DLG2: variants seen among roughly 807,000 people sequenced by gnomAD.
DLG2 encodes the protein discs large MAGUK scaffold protein 2.
Under a neutral mutation model 132.5 loss-of-function variants are expected in DLG2, and 45 were observed. That is an observed-to-expected ratio of 0.34 (90% CI 0.27 to 0.44). The LOEUF (loss-of-function observed/expected upper bound fraction) is 0.44. DLG2 is among the 20% of genes least tolerant of loss of function. The probability of loss-of-function intolerance (pLI) is 1.00; values close to 1 mark genes in which losing one functional copy is unlikely to be tolerated. For missense variants in DLG2, 1,045 were observed against 1,196.9 expected (o/e 0.87, Z 1.87); for synonymous variants, 424 against 419.6 (o/e 1.01, Z -0.13).
rs1156782420 is a variant in DLG2 at position 85,626,727 on chromosome 11, TCA to T, written c.-235_-234del. 1 of 152,204 alleles carries T rather than the reference TCA, an allele frequency of 6.6e-6. No homozygotes were observed. Among genetic ancestry groups the T allele is most frequent in the African/African-American group, 2.4e-5 (1 of 41,448 alleles). The allele number at this position is 152,204 out of a possible 1,614,324, so 9.4% of individuals were successfully genotyped here. A position where few individuals can be genotyped will look rare whatever the true frequency, so the allele number is the denominator to read the frequency against. Reference sequence around the variant, plus strand: ...TAACTGTTGCAAACCACTTCAGTGTTCAGTTTTGAAATCCAGGCTGAGTCTTC... The same window carrying T: ...TAACTGTTGCAAACCACTTCAGTGTTGTTTTGAAATCCAGGCTGAGTCTTC... On this transcript the variant is annotated 5_prime_UTR_variant, in exon 2 of 28. Transcript: ENST00000376104.
chr11:85,386,025 A>G (rs1425098522), intron 3 of DLG2, among the ~76,000 whole-genome samples: 1 of 152,184 alleles, frequency 6.6e-6, no homozygotes, highest in Middle Eastern at 3.2e-3. Context: ...ATCCTTTTAC[A>G]TGTGTTTTCT....
chr11:84,883,138 G>A (rs2087632535), intron 6 of DLG2, among the ~76,000 whole-genome samples: 1 of 152,062 alleles, frequency 6.6e-6, no homozygotes, highest in East Asian at 1.9e-4. Flanking sequence ...CATAAAAAAG[G>A]ATGAGTTCAT....
intron 7 of DLG2, among the ~76,000 whole-genome samples, chr11:84,365,131 C>T (rs1226622): frequency 6.6e-6 from 1 of 152,038 alleles, no homozygotes; most frequent in African/African-American, 2.4e-5. Flanking sequence ...GGCTGTGAAT[C>T]CATCTGGTCC....
intron 12 of DLG2, among the ~76,000 whole-genome samples, chr11:83,979,990 A>G (rs1565893294): frequency 1.3e-5 from 2 of 152,196 alleles, no homozygotes. Context: ...TACATTGTAC[A>G]TGTACTTTTG....
intron 19 of DLG2, among the ~76,000 whole-genome samples, chr11:83,625,555 G>A (rs2062372915): frequency 6.6e-6 from 1 of 152,194 alleles, no homozygotes; most frequent in South Asian, 2.1e-4. Flanking sequence ...CAAAGGCGAA[G>A]TGTCTAGGAT....
rs1490651694 is a variant in DLG2 at position 84,212,302 on chromosome 11, T to C, written c.573+38936A>G. On this transcript the variant is annotated intron_variant, in intron 8 of 27. Coordinates refer to ENST00000376104, the MANE Select transcript of DLG2 (RefSeq NM_001142699.3). ...ACTAAAAGCATAATGATTCTCACAATAGAAGGTATGTTTGCAGGGCTGGAT... is the reference window on the plus strand; with the variant it reads ...ACTAAAAGCATAATGATTCTCACAACAGAAGGTATGTTTGCAGGGCTGGAT... Among the ~76,000 whole-genome samples, 4 of 152,328 alleles carry C rather than the reference T, an allele frequency of 2.6e-5. No individual in the cohort carries two copies. The East Asian group carries it at 5.8e-4, about 22-fold the overall frequency.
chr11:85,550,439 T>G (rs2076596537), intron 3 of DLG2, among the ~76,000 whole-genome samples: 1 of 152,240 alleles, frequency 6.6e-6, no homozygotes, highest in South Asian at 2.1e-4. Context: ...CTGCACCCAC[T>G]CACCTGCGTG....
chr11:83,813,477 G>A (rs879557069), intron 17 of DLG2, among the ~76,000 whole-genome samples: 1 of 152,106 alleles, frequency 6.6e-6, no homozygotes, highest in Admixed American at 6.5e-5. Context: ...TCCTGCTTGA[G>A]TAACTACAAT....
intron 3 of DLG2, among the ~76,000 whole-genome samples, chr11:85,460,338 T>A (rs568303807): frequency 2.8e-4 from 43 of 152,140 alleles, no homozygotes; most frequent in Non-Finnish European, 5.4e-4. Flanking sequence ...ACAGCTCTCA[T>A]TGTCAGTCTG....
chr11:85,564,620 T>G (rs961502256), intron 3 of DLG2, among the ~76,000 whole-genome samples: 1 of 152,072 alleles, frequency 6.6e-6, no homozygotes, highest in Non-Finnish European at 1.5e-5. Flanking sequence ...GATCTATATA[T>G]GTATCCTATG....
At chr11:85,165,480 T>G (rs1289501277) in intron 4 of DLG2, among the ~76,000 whole-genome samples, 1 of 152,194 alleles carries the variant, frequency 6.6e-6, no homozygotes, top group Non-Finnish European at 1.5e-5. Flanking sequence ...TGGCCCCATC[T>G]AAGTAAACTG....
At chr11:84,422,355 C>G (rs1321129201) in intron 7 of DLG2, among the ~76,000 whole-genome samples, 1 of 152,124 alleles carries the variant, frequency 6.6e-6, no homozygotes, top group East Asian at 1.9e-4. Context: ...GTTTTAATAG[C>G]CTACCGCAGT....
chr11:84,435,238 A>T (rs911065375), intron 7 of DLG2, among the ~76,000 whole-genome samples: 2 of 152,202 alleles, frequency 1.3e-5, no homozygotes, highest in African/African-American at 4.8e-5. Flanking sequence ...CTGTCTTCTC[A>T]GCTAAAGTAC....
At chr11:84,867,601 G>A (rs2084775871) in intron 6 of DLG2, among the ~76,000 whole-genome samples, 1 of 152,160 alleles carries the variant, frequency 6.6e-6, no homozygotes, top group Non-Finnish European at 1.5e-5. Context: ...TCAAAATGCA[G>A]GGAATTAGAA....
chr11:84,785,262 A>T (rs2072666508), intron 6 of DLG2, among the ~76,000 whole-genome samples: 1 of 152,046 alleles, frequency 6.6e-6, no homozygotes, highest in Non-Finnish European at 1.5e-5. Context: ...AATAAAAAAA[A>T]ATTCTCCTGT....
At chr11:85,032,641 T>C (rs1244099112) in intron 6 of DLG2, among the ~76,000 whole-genome samples, 4 of 152,240 alleles carry the variant, frequency 2.6e-5, no homozygotes, top group African/African-American at 4.8e-5. Context: ...AGAATCATTA[T>C]TATTGGTTAT....
At position 83,931,451 on chromosome 11, in the gene DLG2, T is replaced by TA. The variant is rs2080205878; in HGVS notation, c.1341-969dup. ...AATTTTCTCAGTCTGATGTTGACTCTACAGACTAAGAAAATGATGTTTCCA... is the reference window on the plus strand; with the variant it reads ...AATTTTCTCAGTCTGATGTTGACTCTAACAGACTAAGAAAATGATGTTTCCA... On this transcript the variant is annotated intron_variant, in intron 14 of 27. Coordinates refer to ENST00000376104, the MANE Select transcript of DLG2 (RefSeq NM_001142699.3). Among the ~76,000 whole-genome samples, 7 of 152,338 alleles carry TA rather than the reference T, an allele frequency of 4.6e-5. 1 individual carries two copies. In the South Asian group the frequency reaches 1.0e-3, roughly 23 times the overall value.
chr11:83,678,599 A>G (rs1306435023), intron 18 of DLG2, among the ~76,000 whole-genome samples: 1 of 152,150 alleles, frequency 6.6e-6, no homozygotes, highest in Non-Finnish European at 1.5e-5. Flanking sequence ...GGGGAGGCAC[A>G]TCATACACCT....
intron 16 of DLG2, among the ~76,000 whole-genome samples, chr11:83,863,544 A>G (rs1157288959): frequency 6.6e-6 from 1 of 152,114 alleles, no homozygotes; most frequent in Non-Finnish European, 1.5e-5. Context: ...CTAGCACATG[A>G]GAAAGAAAAA....
Sources: allele counts gnomAD v4.1 joint callset (sites outside exome capture counted in the v4.1 genomes callset), GRCh38; gene constraint gnomAD v4.1.1; transcripts MANE v1.5; gene names NCBI Gene and HGNC (gene_info 2026-07-23, HGNC 2026-07-21).